The following TUBA1C variants were observed in gnomAD, a reference collection of about 807,000 sequenced individuals.
TUBA1C encodes tubulin alpha 1c, also known as tubulin alpha-1C chain.
In TUBA1C, 16 loss-of-function variants were observed where a neutral mutation model predicts 34.9. The observed-to-expected ratio is 0.46, with a 90% CI of 0.31 to 0.70. TUBA1C has a LOEUF of 0.70. Ranked by LOEUF, TUBA1C falls within the 30% of genes least tolerant of loss-of-function variation. The pLI, the probability that TUBA1C is intolerant of heterozygous loss-of-function variation, is 0.05. For missense variants in TUBA1C, 329 were observed against 587.3 expected (o/e 0.56, Z 4.55); for synonymous variants, 177 against 215.9 (o/e 0.82, Z 1.58).
rs111292250 is a variant in TUBA1C at position 49,237,050 on chromosome 12, T to C, written c.213+8884T>C. Among the ~76,000 whole-genome samples, 6 of 152,298 alleles carry C rather than the reference T, an allele frequency of 3.9e-5. No individual in the cohort carries two copies. In the South Asian group the frequency reaches 1.2e-3, roughly 32 times the overall value. On this transcript the variant is annotated intron_variant, in intron 1 of 3. Coordinates refer to the TUBA1C transcript ENST00000541364. Reference sequence around the variant, plus strand: ...GCTGATTCTACCATGATACTGATCATAGAGAAAATGTTAACTTTCTATATG... The same window carrying C: ...GCTGATTCTACCATGATACTGATCACAGAGAAAATGTTAACTTTCTATATG...
At chr12:49,240,534 G>C (rs1466838022) in intron 1 of TUBA1C, among the ~76,000 whole-genome samples, 1 of 152,080 alleles carries the variant, frequency 6.6e-6, no homozygotes, top group Non-Finnish European at 1.5e-5. Context: ...ACCCCCACAG[G>C]GTGCCCCTGC....
chr12:49,230,660 A>G lies in TUBA1C; in HGVS notation c.213+2494A>G, dbSNP rs185485794. Among the ~76,000 whole-genome samples, 37 of 152,294 alleles carry G rather than the reference A, an allele frequency of 2.4e-4. No homozygotes were observed. In the East Asian group the frequency reaches 6.9e-3, roughly 29 times the overall value. ...CCCTTTTCCCTCTCCCTCTCAAATC[A>G]TGTATTGCTTTTTAAATTTTATTTG... On this transcript the variant is annotated intron_variant, in intron 1 of 3. Coordinates refer to the TUBA1C transcript ENST00000541364.
intron 1 of TUBA1C, among the ~76,000 whole-genome samples, chr12:49,251,916 G>A (rs1479107357): frequency 6.6e-6 from 1 of 151,994 alleles, no homozygotes; most frequent in African/African-American, 2.4e-5. Context: ...CTCAATCGAT[G>A]CAGAAAAAAC....
intron 3 of TUBA1C, 180 bp downstream of exon 3, chr12:49,270,156 G>T: frequency 7.7e-7 from 1 of 1,305,290 alleles, no homozygotes; most frequent in East Asian, 2.5e-5. Flanking sequence ...GGACAACTAT[G>T]GGGTAGAAGT....
At chr12:49,257,368 A>G (rs913253525) in intron 1 of TUBA1C, among the ~76,000 whole-genome samples, 3 of 152,182 alleles carry the variant, frequency 2.0e-5, no homozygotes, top group African/African-American at 4.8e-5. Context: ...TGAAGAATAA[A>G]TAAGTTAAAG....
chr12:49,241,264 T>C (rs1018429011), intron 1 of TUBA1C, among the ~76,000 whole-genome samples: 1 of 152,138 alleles, frequency 6.6e-6, no homozygotes, highest in African/African-American at 2.4e-5. Flanking sequence ...TACCAGACAC[T>C]TAAATTTTAT....
chr12:49,238,427 T>C (rs1490871215), intron 1 of TUBA1C, among the ~76,000 whole-genome samples: 2 of 152,108 alleles, frequency 1.3e-5, no homozygotes, highest in Non-Finnish European at 2.9e-5. Context: ...TGTTCTCTAA[T>C]TCAATTCTCA....
intron 1 of TUBA1C, among the ~76,000 whole-genome samples, chr12:49,238,150 A>G (rs1299199257): frequency 6.6e-6 from 1 of 152,136 alleles, no homozygotes; most frequent in African/African-American, 2.4e-5. Context: ...GCATGAGTGA[A>G]CTGTATCAGA....
rs1485052759 is a variant in TUBA1C, at chr12:49,269,914, C to T, written c.313C>T (p.Arg105Ter). The T allele has an allele frequency of 3.1e-6, 5 of 1,614,038 alleles. No individual in the cohort carries two copies. Among genetic ancestry groups the T allele is most frequent in the African/African-American group, 1.3e-5 (1 of 74,902 alleles). ...GGAAGATGCTGCCAATAACTATGCC[C>T]GAGGGCACTACACCATTGGCAAGGA... ...GKEDAANNYARGHYTIGKEII... is the reference protein window; with the variant it reads ...GKEDAANNYA The change falls in exon 3 of 4, where the codon CGA becomes TGA. Residue 105 changes from arginine to a stop codon, truncating the protein, a stop_gained. Coordinates refer to ENST00000301072, the MANE Select transcript of TUBA1C (RefSeq NM_032704.5). LOFTEE classifies it high-confidence loss of function.
intron 1 of TUBA1C, chr12:49,234,236 C>A (rs1942526715): frequency 6.6e-6 from 1 of 152,214 alleles, no homozygotes; most frequent in Non-Finnish European, 1.5e-5. Flanking sequence ...CTGATAACTG[C>A]TTTTAATATG....
At chr12:49,231,237 T>TCA (rs1327752930) in intron 1 of TUBA1C, among the ~76,000 whole-genome samples, 2 of 152,168 alleles carry the variant, frequency 1.3e-5, no homozygotes. Context: ...CAATTATAGC[T>TCA]CACTACAGCC....
rs528495034 is a variant in TUBA1C, at chr12:49,250,113, G to A, written c.214-19352G>A. ...CTCAGGAGGCTGAGGCAGGAGAATC[G>A]CTTGAACCTGGGAGGTGGAAGGTTG... is the stretch of plus-strand genomic sequence containing the variant. On this transcript the variant is annotated intron_variant, in intron 1 of 3. Transcript: ENST00000541364. Among the ~76,000 whole-genome samples the A allele has an allele frequency of 2.6e-5, 4 of 152,112 alleles. No homozygotes were observed. In the South Asian group the frequency reaches 6.2e-4, roughly 24 times the overall value.
At chr12:49,241,271 TTA>T (rs1565640014) in intron 1 of TUBA1C, among the ~76,000 whole-genome samples, 1 of 152,268 alleles carries the variant, frequency 6.6e-6, no homozygotes, top group Non-Finnish European at 1.5e-5. Context: ...CACTTAAATT[TTA>T]TGAGAATGGG....
chr12:49,239,719 G>T (rs138320541), intron 1 of TUBA1C, among the ~76,000 whole-genome samples: 5,261 of 152,146 alleles, frequency 0.035, 113 homozygotes, highest in Middle Eastern at 0.085. Flanking sequence ...AGCTACTCGG[G>T]AGGCTGAGTC....
chr12:49,269,056 G>T (rs1043394114), intron 1 of TUBA1C, among the ~76,000 whole-genome samples: 1 of 152,134 alleles, frequency 6.6e-6, no homozygotes, highest in Non-Finnish European at 1.5e-5. Context: ...GTGGCCTGCT[G>T]AAAGATGGTT....
At position 49,247,299 on chromosome 12, in the gene TUBA1C, G is replaced by A. The variant is rs1565642050; in HGVS notation, c.213+19133G>A. 2.7e-5 allele frequency among the ~76,000 whole-genome samples: 4 copies of A among 150,502 alleles called. No individual in the cohort carries two copies. In the South Asian group the frequency reaches 8.4e-4, roughly 32 times the overall value. On this transcript the variant is annotated intron_variant, in intron 1 of 3. Coordinates refer to the TUBA1C transcript ENST00000541364. Reference sequence around the variant, plus strand: ...CCGCCGGACTTGGTGGCTCATGCCTGTAATCCCAGCACTTTGGGAGGCTGA... The same window carrying A: ...CCGCCGGACTTGGTGGCTCATGCCTATAATCCCAGCACTTTGGGAGGCTGA...
chr12:49,245,698 C>T (rs1044541061), intron 1 of TUBA1C, among the ~76,000 whole-genome samples: 61 of 152,176 alleles, frequency 4.0e-4, no homozygotes, highest in African/African-American at 1.2e-3. Flanking sequence ...CCTTCAGCTC[C>T]GTCAGCAAGA....
chr12:49,235,999 C>T (rs1473130280), intron 1 of TUBA1C, among the ~76,000 whole-genome samples: 3 of 152,184 alleles, frequency 2.0e-5, no homozygotes, highest in Non-Finnish European at 2.9e-5. Context: ...TGTGCTTATT[C>T]TGAATGCTTC....
rs571994281 is a variant in TUBA1C at position 49,273,599 on chromosome 12, G to T, written c.*372G>T. Reference sequence around the variant, plus strand: ...GATGGGGCCTTGCTATGCTGCCCAGGGTGGTCTTCAACTGGCTTCAAGTGA... The same window carrying T: ...GATGGGGCCTTGCTATGCTGCCCAGTGTGGTCTTCAACTGGCTTCAAGTGA... On this transcript the variant is annotated 3_prime_UTR_variant, in exon 4 of 4. Transcript: ENST00000301072. The T allele has an allele frequency of 2.8e-4, 90 of 317,318 alleles. No homozygotes were observed. The East Asian group carries it at 4.3e-3, about 15-fold the overall frequency. The allele number at this position is 317,318 out of a possible 1,614,324, so 19.7% of individuals were successfully genotyped here.
Sources: allele counts gnomAD v4.1 joint callset (sites outside exome capture counted in the v4.1 genomes callset), GRCh38; gene constraint gnomAD v4.1.1; transcripts MANE v1.5; gene names NCBI Gene and HGNC (gene_info 2026-07-23, HGNC 2026-07-21).